Variants in SWT1 observed in about 807,000 individuals in gnomAD.
SWT1 encodes transcriptional protein SWT1.
In SWT1, 33 loss-of-function variants were observed where a neutral mutation model predicts 107.3. The ratio of observed to expected loss-of-function variants is 0.31; its 90% CI spans 0.23 to 0.41. The LOEUF (loss-of-function observed/expected upper bound fraction) is 0.41, where lower values mean the gene tolerates loss of function less well. Among genes scored for constraint, SWT1 ranks in the 10% least tolerant of loss-of-function variants. The pLI, the probability that SWT1 is intolerant of heterozygous loss-of-function variation, is 1.00. For synonymous variants in SWT1, 345 were observed against 348.3 expected (o/e 0.99, Z 0.11); for missense variants, 898 against 1,028.9 (o/e 0.87, Z 1.74).
intron 1 of SWT1, among the ~76,000 whole-genome samples, chr1:185,158,050 G>A (rs889485623): frequency 6.6e-6 from 1 of 152,146 alleles, no homozygotes; most frequent in African/African-American, 2.4e-5. Flanking sequence ...AGGCATCAGG[G>A]CAGGAGAGGG....
intron 6 of SWT1, among the ~76,000 whole-genome samples, chr1:185,180,864 C>A (rs1357953159): frequency 3.3e-5 from 5 of 152,124 alleles, no homozygotes; most frequent in Non-Finnish European, 5.9e-5. Context: ...TATCTTTTTA[C>A]CTGTTGCTTC....
chr1:185,178,324 G>C (rs111608814), intron 5 of SWT1, among the ~76,000 whole-genome samples: 2,103 of 152,234 alleles, frequency 0.014, 22 homozygotes, highest in Non-Finnish European at 0.021. Flanking sequence ...AAGTTGGAGA[G>C]AAAGCCAGGG....
intron 18 of SWT1, among the ~76,000 whole-genome samples, chr1:185,287,010 C>T (rs1160457196): frequency 6.6e-6 from 1 of 151,888 alleles, no homozygotes; most frequent in East Asian, 1.9e-4. Flanking sequence ...TTTCATTTTT[C>T]TTTTATTTGA....
chr1:185,189,618 G>A (rs1656773089), intron 9 of SWT1, among the ~76,000 whole-genome samples: 1 of 151,964 alleles, frequency 6.6e-6, no homozygotes, highest in South Asian at 2.1e-4. Flanking sequence ...TGACATTTTA[G>A]CCTTCTGATC....
intron 10 of SWT1, among the ~76,000 whole-genome samples, chr1:185,194,314 T>C (rs1657205677): frequency 6.6e-6 from 1 of 152,206 alleles, no homozygotes; most frequent in Non-Finnish European, 1.5e-5. Flanking sequence ...ATTTTGCAAA[T>C]AATTTTCTAT....
intron 18 of SWT1, among the ~76,000 whole-genome samples, chr1:185,287,595 C>G (rs982228793): frequency 1.3e-5 from 2 of 152,140 alleles, no homozygotes; most frequent in Admixed American, 1.3e-4. Flanking sequence ...TAGTGAGTGT[C>G]CCATCACCAG....
intron 1 of SWT1, among the ~76,000 whole-genome samples, chr1:185,158,058 G>A (rs1211423449): frequency 6.6e-6 from 1 of 152,156 alleles, no homozygotes; most frequent in Non-Finnish European, 1.5e-5. Flanking sequence ...GGGCAGGAGA[G>A]GGAAGCCCAA....
chr1:185,274,371 G>A (rs1416910984), intron 17 of SWT1, among the ~76,000 whole-genome samples: 1 of 149,800 alleles, frequency 6.7e-6, no homozygotes, highest in Non-Finnish European at 1.5e-5. Context: ...TGACCCACTA[G>A]ATCCTTGAAC....
At chr1:185,249,390 T>C (rs1661846316) in intron 16 of SWT1, among the ~76,000 whole-genome samples, 1 of 152,146 alleles carries the variant, frequency 6.6e-6, no homozygotes, top group Non-Finnish European at 1.5e-5. Flanking sequence ...AGATCTCGTG[T>C]GGCCATCTTG....
intron 15 of SWT1, among the ~76,000 whole-genome samples, chr1:185,231,114 T>C (rs1171212121): frequency 6.6e-6 from 1 of 152,200 alleles, no homozygotes; most frequent in Non-Finnish European, 1.5e-5. Flanking sequence ...TGTTATACAT[T>C]TAAGGTGTTA....
chr1:185,181,324 A>G (rs182558088), intron 6 of SWT1, among the ~76,000 whole-genome samples: 35 of 152,324 alleles, frequency 2.3e-4, no homozygotes, highest in African/African-American at 8.4e-4. Context: ...GTGACAGTCA[A>G]TTGTATTTTT....
intron 16 of SWT1, among the ~76,000 whole-genome samples, chr1:185,257,125 G>T (rs1192342823): frequency 6.6e-6 from 1 of 152,154 alleles, no homozygotes; most frequent in Non-Finnish European, 1.5e-5. Context: ...ACTTGAGGAG[G>T]CAGTCTGCCC....
intron 6 of SWT1, among the ~76,000 whole-genome samples, chr1:185,181,254 C>A (rs1177136515): frequency 6.6e-6 from 1 of 152,124 alleles, no homozygotes; most frequent in African/African-American, 2.4e-5. Flanking sequence ...GCTGACAGAG[C>A]AAGACTGTGT....
chr1:185,285,579 C>A (rs1664900440), intron 18 of SWT1, among the ~76,000 whole-genome samples: 1 of 152,094 alleles, frequency 6.6e-6, no homozygotes, highest in South Asian at 2.1e-4. Flanking sequence ...ATTGCCCATG[C>A]TTTTAAGACT....
intron 12 of SWT1, among the ~76,000 whole-genome samples, chr1:185,205,754 T>C (rs1484485052): frequency 6.6e-6 from 1 of 152,222 alleles, no homozygotes; most frequent in Admixed American, 6.6e-5. Flanking sequence ...GTGCATTTGC[T>C]ACTTGATTAT....
chr1:185,185,281 C>CAGTT (rs1182125824), intron 9 of SWT1, among the ~76,000 whole-genome samples: 1 of 152,090 alleles, frequency 6.6e-6, no homozygotes, highest in East Asian at 1.9e-4. Flanking sequence ...TCACCATATG[C>CAGTT]AGTTAATGTA....
At chr1:185,251,458 G>GT (rs1662014301) in intron 16 of SWT1, 1 of 152,092 alleles carries the variant, frequency 6.6e-6, no homozygotes, top group South Asian at 2.1e-4. Flanking sequence ...TACTTGCTGA[G>GT]TTTTGTCTTT....
At chr1:185,279,490 C>T (rs1204580390) in intron 18 of SWT1, among the ~76,000 whole-genome samples, 2 of 151,770 alleles carry the variant, frequency 1.3e-5, no homozygotes, top group African/African-American at 4.8e-5. Context: ...CTTTTATACC[C>T]AGAAGGATGA....
intron 16 of SWT1, among the ~76,000 whole-genome samples, chr1:185,233,898 C>T (rs1016777880): frequency 1.3e-5 from 2 of 152,138 alleles, no homozygotes; most frequent in African/African-American, 4.8e-5. Context: ...CACCCGCCAC[C>T]ATGCCCAGCT....
Sources: gnomAD v4.1 joint callset for allele counts (sites outside exome capture counted in the v4.1 genomes callset) on GRCh38, gnomAD v4.1.1 for gene constraint, MANE v1.5 for transcripts, NCBI Gene and HGNC (gene_info 2026-07-23, HGNC 2026-07-21) for gene names.